CCDC141: variants seen among roughly 807,000 people sequenced by gnomAD.
The protein encoded by CCDC141 is coiled-coil domain-containing protein 141.
A neutral mutation model predicts 181.0 loss-of-function variants in CCDC141; 168 were observed. The observed-to-expected ratio is 0.93, with a 90% CI of 0.82 to 1.05. CCDC141 has a LOEUF of 1.05. CCDC141 is among the 50% of genes least tolerant of loss of function. The pLI is 0.00. For synonymous variants in CCDC141, 666 were observed against 642.3 expected (o/e 1.04, Z -0.56); for missense variants, 1,902 against 1,788.5 (o/e 1.06, Z -1.14).
In CCDC141 at chr2:178,872,215, A is replaced by T; in HGVS notation, c.1997T>A (p.Leu666His). ...QKAEREELSLLRLAWQLKATE... is the reference protein window; with the variant it reads ...QKAEREELSLHRLAWQLKATE... ...GGCTTTAAGCTGCCATGCCAGCCGA[A>T]GGAGGCTAAGTTCTTCCCGTTCTGC... Residue 666 changes from leucine to histidine, a missense_variant, in exon 13 of 24, where the codon CTT (leucine) becomes CAT (histidine). Transcript: ENST00000443758. The T allele has an allele frequency of 1.2e-6, 2 of 1,614,036 alleles. No individual in the cohort carries two copies. The highest frequency in any genetic ancestry group is 2.2e-5 in the South Asian group (2 of 91,076).
chr2:179,003,522 C>T (rs1382272454), intron 2 of CCDC141, among the ~76,000 whole-genome samples: 1 of 151,320 alleles, frequency 6.6e-6, no homozygotes, highest in Non-Finnish European at 1.5e-5. Flanking sequence ...AGTAAAGTGC[C>T]TCAAATATAG....
At chr2:178,896,762 T>A (rs940571649) in intron 8 of CCDC141, among the ~76,000 whole-genome samples, 10 of 152,244 alleles carry the variant, frequency 6.6e-5, no homozygotes, top group Admixed American at 6.5e-4. Context: ...TAGGGCAAGT[T>A]ATTAAACTTC....
intron 2 of CCDC141, among the ~76,000 whole-genome samples, chr2:179,033,288 CATA>C (rs1056457761): frequency 5.9e-5 from 9 of 151,694 alleles, no homozygotes; most frequent in African/African-American, 9.7e-5. Flanking sequence ...ATGATATTTG[CATA>C]ATGTTTACAT....
intron 17 of CCDC141, among the ~76,000 whole-genome samples, chr2:178,861,255 C>G (rs1685603994): frequency 6.6e-6 from 1 of 152,018 alleles, no homozygotes; most frequent in African/African-American, 2.4e-5. Flanking sequence ...TAGCCTCAAA[C>G]TCATGGGCAC....
chr2:178,867,601 C>A (rs1685908904), intron 16 of CCDC141, among the ~76,000 whole-genome samples: 1 of 152,120 alleles, frequency 6.6e-6, no homozygotes, highest in East Asian at 1.9e-4. Flanking sequence ...GATTCCCATA[C>A]CCAAATTGCT....
rs555539935 is a variant in CCDC141 at position 178,945,311 on chromosome 2, T to C, written c.781-660A>G. On this transcript the variant is annotated intron_variant, in intron 5 of 23. Transcript: ENST00000443758. The stretch of plus-strand genomic sequence containing the variant: ...ATCTCAATTAAAGGAGACTTAGATT[T>C]TTACACTCGAATCCTGTATAGCATT... Among the ~76,000 whole-genome samples the C allele has an allele frequency of 2.0e-5, 3 of 152,240 alleles. 1 individual carries two copies. In the South Asian group the frequency reaches 6.2e-4, roughly 32 times the overall value.
chr2:178,878,555 G>C (rs530378932), intron 11 of CCDC141, among the ~76,000 whole-genome samples: 1 of 147,324 alleles, frequency 6.8e-6, no homozygotes, highest in Non-Finnish European at 1.5e-5. Flanking sequence ...CTGGGCTCAA[G>C]AGATCCTCCT....
intron 6 of CCDC141, among the ~76,000 whole-genome samples, chr2:178,921,179 A>G (rs2154374875): frequency 6.6e-6 from 1 of 152,302 alleles, no homozygotes. Context: ...AGATCTTTCA[A>G]TTTTTAAAGA....
chr2:178,901,142 G>C lies in CCDC141; in HGVS notation c.1265+4187C>G, dbSNP rs576321631. ...CCAGAGATTTGGGCAGAGTTCTTCA[G>C]CTACATGGTGATCTCCCCATGCGTG... On this transcript the variant is annotated intron_variant, in intron 8 of 23. Transcript: ENST00000443758. Among the ~76,000 whole-genome samples the C allele has an allele frequency of 1.4e-4, 21 of 152,170 alleles. No homozygotes were observed. In the East Asian group the frequency reaches 4.1e-3, roughly 29 times the overall value.
chr2:178,933,134 C>G (rs1430671226), intron 6 of CCDC141, among the ~76,000 whole-genome samples: 1 of 152,122 alleles, frequency 6.6e-6, no homozygotes, highest in African/African-American at 2.4e-5. Context: ...TGGTTTTAAT[C>G]TTGAGGCTGA....
the CCDC141 span, among the ~76,000 whole-genome samples, chr2:178,817,032 G>A: frequency 3.9e-5 from 6 of 152,176 alleles, no homozygotes; most frequent in Admixed American, 1.3e-4. Context: ...TACAGTAATA[G>A]CTCTAAAAGT....
intron 23 of CCDC141, among the ~76,000 whole-genome samples, chr2:178,835,525 C>G (rs563085866): frequency 6.6e-6 from 1 of 152,248 alleles, no homozygotes; most frequent in African/African-American, 2.4e-5. Flanking sequence ...GTTCCCATTG[C>G]CTAAGTGATA....
chr2:178,895,675 T>C (rs1311458165), intron 8 of CCDC141, among the ~76,000 whole-genome samples: 1 of 152,172 alleles, frequency 6.6e-6, no homozygotes, highest in African/African-American at 2.4e-5. Flanking sequence ...CATGAAAATA[T>C]TTGGAAAGTG....
chr2:178,868,806 G>T (rs993796205), intron 15 of CCDC141, among the ~76,000 whole-genome samples: 3 of 152,086 alleles, frequency 2.0e-5, no homozygotes, highest in African/African-American at 7.2e-5. Flanking sequence ...TTCCAAGTGA[G>T]GTAGGATTGT....
At chr2:179,027,685 T>C (rs2042891329) in intron 2 of CCDC141, among the ~76,000 whole-genome samples, 3 of 117,532 alleles carry the variant, frequency 2.6e-5, no homozygotes, top group South Asian at 3.2e-4. Context: ...AAAAAAAGTT[T>C]CCCTGCACAA....
intron 7 of CCDC141, among the ~76,000 whole-genome samples, chr2:178,905,895 G>T (rs1687944918): frequency 6.6e-6 from 1 of 152,180 alleles, no homozygotes; most frequent in Non-Finnish European, 1.5e-5. Flanking sequence ...TTTATGGCAA[G>T]AATGTTTCTG....
At chr2:178,914,878 G>A (rs879261938) in intron 7 of CCDC141, among the ~76,000 whole-genome samples, 2 of 151,960 alleles carry the variant, frequency 1.3e-5, no homozygotes, top group Non-Finnish European at 2.9e-5. Flanking sequence ...TGTTAGAGAG[G>A]GGAATGAATG....
chr2:179,043,082 T>C (rs1432785604), intron 2 of CCDC141, among the ~76,000 whole-genome samples: 1 of 152,120 alleles, frequency 6.6e-6, no homozygotes, highest in Non-Finnish European at 1.5e-5. Flanking sequence ...CATCAGAGAA[T>C]ACTATAAACA....
intron 2 of CCDC141, chr2:179,002,503 G>A (rs551592822): frequency 5.8e-5 from 24 of 415,038 alleles, no homozygotes; most frequent in East Asian, 1.6e-4. Context: ...TCTAAAAAAA[G>A]ATGATGTCCA....
Sources: gnomAD v4.1 joint callset for allele counts (sites outside exome capture counted in the v4.1 genomes callset) on GRCh38, gnomAD v4.1.1 for gene constraint, MANE v1.5 for transcripts, NCBI Gene and HGNC (gene_info 2026-07-23, HGNC 2026-07-21) for gene names.